The following DNAH8 variants were observed in gnomAD, a reference collection of about 807,000 sequenced individuals.
DNAH8 encodes dynein axonemal heavy chain 8.
DNAH8 carries 382 observed loss-of-function variants against 562.1 expected under a neutral mutation model. The observed-to-expected ratio is 0.68, with a 90% confidence interval of 0.63 to 0.74. The LOEUF (loss-of-function observed/expected upper bound fraction) is 0.74, where lower values mean the gene tolerates loss of function less well. Ranked by LOEUF, DNAH8 falls within the 30% of genes least tolerant of loss-of-function variation. The probability of loss-of-function intolerance (pLI) is 0.00; values close to 1 mark genes in which losing one functional copy is unlikely to be tolerated. For missense variants in DNAH8, 5,203 were observed against 5,620.4 expected, an observed-to-expected ratio of 0.93 and a Z score of 2.37; for synonymous variants, 1,881 against 1,919.4, an observed-to-expected ratio of 0.98 and a Z score of 0.52.
rs79234857 is a variant in DNAH8 at position 38,729,203 on chromosome 6, AAAACAAACAAACAAAC to A, written c.526-674_526-659del. The stretch of plus-strand genomic sequence containing the variant: ...GGGTGACAGAGCGAAACTCCGTCTC[AAAACAAACAAACAAAC>A]AAACAAACAAACAAACAAACAAACT... On this transcript the variant is annotated intron_variant, in intron 3 of 92. Transcript: ENST00000327475. Among the ~76,000 whole-genome samples the A allele has an allele frequency of 6.7e-4, 101 of 150,338 alleles. No homozygotes were observed. The East Asian group carries it at 9.1e-3, about 13-fold the overall frequency.
chr6:38,914,333 AAG>A (rs1254595957), intron 67 of DNAH8, among the ~76,000 whole-genome samples: 1 of 151,312 alleles, frequency 6.6e-6, no homozygotes, highest in South Asian at 2.1e-4. Context: ...AAAAGAAAGA[AAG>A]AGGAAAAATC....
intron 82 of DNAH8, among the ~76,000 whole-genome samples, chr6:38,961,542 A>G (rs1296366791): frequency 6.6e-6 from 1 of 152,040 alleles, no homozygotes; most frequent in East Asian, 1.9e-4. Context: ...CAAATATAAG[A>G]AAGATGCAGG....
chr6:38,853,062 T>C (rs1775886791), intron 40 of DNAH8, 124 bp from the exon 41 acceptor site: 1 of 767,984 alleles, frequency 1.3e-6, no homozygotes, highest in Non-Finnish European at 2.1e-6. Context: ...ATTTAAAATA[T>C]TTTGTATAAA....
rs542087012 is a variant in DNAH8 at position 38,913,635 on chromosome 6, G to A, written c.9860-214G>A. Among the ~76,000 whole-genome samples the A allele has an allele frequency of 2.6e-4, 39 of 152,118 alleles. No individual in the cohort carries two copies. In the South Asian group the frequency reaches 7.1e-3, roughly 28 times the overall value. ...TAAATGTAGCTACGTGATATTCTTC[G>A]GTCAGAGCTATTTTCTTTGCCTTCC... On this transcript the variant is annotated intron_variant, in intron 66 of 92. Transcript: ENST00000327475.
intron 53 of DNAH8, 43 bp from the exon 54 acceptor site, chr6:38,882,867 C>G (rs1298657558): frequency 1.5e-6 from 2 of 1,350,836 alleles, no homozygotes; most frequent in Non-Finnish European, 2.0e-6. Context: ...ATAACTTTCA[C>G]AGAATATGGT....
At position 38,863,852 on chromosome 6, in the gene DNAH8, AT is replaced by A; in HGVS notation, c.6311-19del. The A allele has an allele frequency of 3.8e-6, 6 of 1,567,990 alleles. No homozygotes were observed. The highest frequency in any genetic ancestry group is 5.2e-6 in the Non-Finnish European group (6 of 1,164,554). On this transcript the variant is annotated intron_variant, in intron 44 of 92. Transcript: ENST00000327475. The stretch of plus-strand genomic sequence containing the variant: ...TATATTATAGAGTAAAACTTTACAA[AT>A]TAACTGTTTTTCATGCCAGGTCTTG...
chr6:38,883,386 A>C lies in DNAH8; in HGVS notation c.8066A>C (p.Lys2689Thr). 6.2e-7 allele frequency: 1 copy of C among 1,613,460 alleles called. No individual in the cohort carries two copies. Among genetic ancestry groups the C allele is most frequent in the Non-Finnish European group, 8.5e-7 (1 of 1,179,624 alleles). The part of the protein sequence containing the change: ...KTVMVKAYLK[K>T]YDPEVQLSKS... ...GTCATGGTTAAGGCCTATTTGAAAA[A>C]ATATGATCCTGAAGTACAGCTATCC... Residue 2689 changes from lysine (K) to threonine (T), a missense_variant, in exon 55 of 93, where the codon AAA becomes ACA. Physicochemically the swap from Lys to Thr is moderately conservative, Grantham distance 78. Around this residue, in one of 6 missense-constraint regions of DNAH8, gnomAD observed 977 missense variants for 1,061.8 expected, o/e 0.92. Transcript: ENST00000327475.
At chr6:38,910,923 TA>T (rs1583329922) in intron 65 of DNAH8, among the ~76,000 whole-genome samples, 1 of 152,210 alleles carries the variant, frequency 6.6e-6, no homozygotes, top group African/African-American at 2.4e-5. Context: ...AAAGCCACAA[TA>T]AAGTGGACAT....
chr6:38,930,204 C>T (rs554181579), intron 75 of DNAH8, among the ~76,000 whole-genome samples: 9 of 152,096 alleles, frequency 5.9e-5, no homozygotes, highest in East Asian at 5.8e-4. Context: ...AGTCTAAACT[C>T]ATTGACTTTG....
rs1275665035 is a variant in DNAH8, at chr6:38,815,486, G to T, written c.3352G>T (p.Asp1118Tyr). 1 of 1,613,592 alleles carries T rather than the reference G, an allele frequency of 6.2e-7. No homozygotes were observed. Among genetic ancestry groups the T allele is most frequent in the Non-Finnish European group, 8.5e-7 (1 of 1,179,726 alleles). Residue 1118 changes from aspartate (D) to tyrosine (Y), a missense_variant, in exon 26 of 93, where the codon GAT (aspartate) becomes TAT (tyrosine). Physicochemically the swap from Asp to Tyr is radical, Grantham distance 160 (BLOSUM62 -3). Coordinates refer to ENST00000327475, the MANE Select transcript of DNAH8 (RefSeq NM_001206927.2). ...IPNVVMIPSL[D>Y]DIQQAINRMI... is the part of the protein sequence containing the mutation. ...TCCACAGGTGATGATTCCTAGTTTG[G>T]ATGACATTCAACAAGCCATTAACCG...
Position 38,883,005 on chromosome 6 carries a change from A to G in DNAH8, c.7954A>G (p.Asn2652Asp). 5.0e-6 allele frequency: 8 copies of G among 1,606,308 alleles called. No homozygotes were observed. The highest frequency in any genetic ancestry group is 5.9e-6 in the Non-Finnish European group (7 of 1,177,302). The change falls in exon 54 of 93, where the codon AAT (asparagine) becomes GAT (aspartate). Residue 2652 changes from asparagine to aspartate, a missense_variant. Coordinates refer to ENST00000327475, the MANE Select transcript of DNAH8 (RefSeq NM_001206927.2). ...YSSILVPNVD[N>D]IRTNFLIDTI... ...ATCAATTTTGGTTCCAAATGTTGAC[A>G]ATATTAGAACAAATTTTTTGATAGA...
At chr6:38,758,924 G>A (rs1016357595) in intron 10 of DNAH8, among the ~76,000 whole-genome samples, 2 of 152,010 alleles carry the variant, frequency 1.3e-5, no homozygotes, top group African/African-American at 4.8e-5. Flanking sequence ...TGCTGGATTC[G>A]GTTTGCCAGT....
chr6:38,904,352 T>C (rs1417734485), intron 62 of DNAH8, among the ~76,000 whole-genome samples: 2 of 151,860 alleles, frequency 1.3e-5, no homozygotes, highest in Non-Finnish European at 2.9e-5. Context: ...GGGTGCGTCA[T>C]GGAAAGAAAA....
chr6:38,732,290 T>A (rs536203119), intron 4 of DNAH8, among the ~76,000 whole-genome samples: 4 of 152,336 alleles, frequency 2.6e-5, no homozygotes, highest in African/African-American at 9.6e-5. Context: ...TTGTCTTATG[T>A]CTTATCAGAC....
At chr6:38,846,646 C>T (rs373087255) in intron 36 of DNAH8, among the ~76,000 whole-genome samples, 1 of 152,106 alleles carries the variant, frequency 6.6e-6, no homozygotes, top group African/African-American at 2.4e-5. Flanking sequence ...TTCAGAGAAT[C>T]CTGGCAAAGA....
intron 32 of DNAH8, among the ~76,000 whole-genome samples, chr6:38,836,036 A>C (rs762136478): frequency 6.6e-6 from 1 of 152,158 alleles, no homozygotes; most frequent in Non-Finnish European, 1.5e-5. Flanking sequence ...TCATGAATTT[A>C]TTAACGAAGC....
intron 49 of DNAH8, among the ~76,000 whole-genome samples, chr6:38,871,604 C>T (rs1777470696): frequency 6.6e-6 from 1 of 152,114 alleles, no homozygotes; most frequent in African/African-American, 2.4e-5. Context: ...TCCCTCTGAT[C>T]AGCTGTCAGA....
intron 91 of DNAH8, among the ~76,000 whole-genome samples, chr6:39,025,583 A>G (rs1767217386): frequency 6.6e-6 from 1 of 152,178 alleles, no homozygotes; most frequent in African/African-American, 2.4e-5. Context: ...ATCTCGACTC[A>G]GTGCTTATAA....
chr6:38,901,035 A>G (rs1761359371), intron 62 of DNAH8, among the ~76,000 whole-genome samples: 1 of 151,988 alleles, frequency 6.6e-6, no homozygotes, highest in Non-Finnish European at 1.5e-5. Context: ...TTTGTGAATT[A>G]TAAAAGCCCT....
Sources: gnomAD v4.1 joint callset for allele counts (sites outside exome capture counted in the v4.1 genomes callset) on GRCh38, gnomAD v4.1.1 for gene constraint, gnomAD v4.1.1 regional missense constraint, MANE v1.5 for transcripts, NCBI Gene and HGNC (gene_info 2026-07-23, HGNC 2026-07-21) for gene names.